Variants in STK31 observed in about 807,000 individuals in gnomAD.
The protein encoded by STK31 is serine/threonine kinase 31.
Under a neutral mutation model 129.7 loss-of-function variants are expected in STK31, and 89 were observed. That is an observed-to-expected ratio of 0.69 (90% CI 0.58 to 0.82). The LOEUF is 0.82. Ranked by LOEUF, STK31 falls within the 40% of genes least tolerant of loss-of-function variation. The pLI is 0.00. For synonymous variants in STK31, 448 were observed against 395.3 expected, an observed-to-expected ratio of 1.13 and a Z score of -1.58; for missense variants, 1,187 against 1,176.4, an observed-to-expected ratio of 1.01 and a Z score of -0.13.
intron 4 of STK31, 103 bp from the exon 5 acceptor site, chr7:23,727,138 A>G (rs1166669696): frequency 1.2e-6 from 1 of 852,478 alleles, no homozygotes; most frequent in Non-Finnish European, 1.9e-6. Context: ...TTATATATAA[A>G]GTACTTATTG....
At chr7:23,792,099 C>T (rs1791655245) in intron 22 of STK31, among the ~76,000 whole-genome samples, 1 of 152,112 alleles carries the variant, frequency 6.6e-6, no homozygotes, top group Non-Finnish European at 1.5e-5. Flanking sequence ...CAGTTTGGTG[C>T]AGAGGCCATA....
intron 7 of STK31, among the ~76,000 whole-genome samples, chr7:23,736,259 T>G (rs1787711350): frequency 6.6e-6 from 1 of 152,232 alleles, no homozygotes; most frequent in African/African-American, 2.4e-5. Flanking sequence ...AGGAATATTT[T>G]AAAGAGTTTC....
intron 14 of STK31, 111 bp from the exon 15 acceptor site, chr7:23,772,036 G>T (rs1485599530): frequency 1.4e-6 from 1 of 717,238 alleles, no homozygotes; most frequent in East Asian, 3.3e-5. Flanking sequence ...TGGTATTTCA[G>T]TCTGAACTCA....
At chr7:23,797,320 C>T (rs1043895007) in intron 22 of STK31, among the ~76,000 whole-genome samples, 2 of 152,190 alleles carry the variant, frequency 1.3e-5, no homozygotes, top group African/African-American at 2.4e-5. Context: ...ACATTCTTTT[C>T]AGCACCACAT....
At chr7:23,787,893 C>T in intron 20 of STK31, 87 bp from the exon 21 acceptor site, 1 of 1,341,474 alleles carries the variant, frequency 7.5e-7, no homozygotes, top group Middle Eastern at 2.0e-4. Flanking sequence ...TTACTCACTT[C>T]TAGAGCAGTC....
At chr7:23,786,746 TA>T in intron 19 of STK31, 91 bp from the exon 20 acceptor site, 2 of 1,543,670 alleles carry the variant, frequency 1.3e-6, no homozygotes, top group African/African-American at 2.8e-5. Flanking sequence ...CCCCTTAACA[TA>T]AAAGAAAAAT....
intron 6 of STK31, among the ~76,000 whole-genome samples, chr7:23,732,250 G>A (rs1787476298): frequency 6.6e-6 from 1 of 151,820 alleles, no homozygotes; most frequent in African/African-American, 2.4e-5. Flanking sequence ...GGTCAAGGCT[G>A]TGAGACCCTG....
At chr7:23,714,576 A>C (rs1167862992) in intron 3 of STK31, among the ~76,000 whole-genome samples, 1 of 152,246 alleles carries the variant, frequency 6.6e-6, no homozygotes, top group African/African-American at 2.4e-5. Context: ...TAGCATAAAA[A>C]TGTGAACAGG....
rs768770421 is a variant in STK31 at position 23,785,488 on chromosome 7, G to C, written c.2159G>C (p.Gly720Ala). The change falls in exon 18 of 24, where the codon GGT becomes GCT. Residue 720 changes from glycine (G) to alanine (A), a missense_variant. Physicochemically the swap from Gly to Ala is moderately conservative, Grantham distance 60. Transcript: ENST00000355870. ...IGLLKYMNSG[G>A]LLTMSLERDL... ...AAAACTTGTGCCTAGAACTCTGGTGGTCTCCTTACAATGAGCTTGGAACGA... is the reference window on the plus strand; with the variant it reads ...AAAACTTGTGCCTAGAACTCTGGTGCTCTCCTTACAATGAGCTTGGAACGA... 6.2e-7 allele frequency: 1 copy of C among 1,613,562 alleles called. No homozygotes were observed. The highest frequency in any genetic ancestry group is 2.2e-5 in the East Asian group (1 of 44,860).
At chr7:23,751,249 C>T (rs1195204555) in intron 8 of STK31, among the ~76,000 whole-genome samples, 1 of 152,104 alleles carries the variant, frequency 6.6e-6, no homozygotes, top group Non-Finnish European at 1.5e-5. Flanking sequence ...GTATATACTG[C>T]ATTTTCTTGA....
intron 10 of STK31, among the ~76,000 whole-genome samples, chr7:23,754,740 A>C (rs892325740): frequency 2.0e-5 from 3 of 152,144 alleles, no homozygotes; most frequent in Non-Finnish European, 2.9e-5. Context: ...ACGAGTGAGA[A>C]CATGTAGTGT....
chr7:23,716,260 T>G lies in STK31; in HGVS notation c.151-1221T>G, dbSNP rs1231460589. Reference sequence around the variant, plus strand: ...AATTTGGGTTTGTTTGATGATTTCTTATGAATAGATTAGCAAGAGTTCCAC... The same window carrying G: ...AATTTGGGTTTGTTTGATGATTTCTGATGAATAGATTAGCAAGAGTTCCAC... On this transcript the variant is annotated intron_variant, in intron 3 of 23. Transcript: ENST00000355870. Among the ~76,000 whole-genome samples the G allele has an allele frequency of 2.0e-5, 3 of 152,196 alleles. No individual in the cohort carries two copies. In the East Asian group the frequency reaches 5.8e-4, roughly 29 times the overall value.
chr7:23,791,736 A>G (rs1206770576), intron 22 of STK31, among the ~76,000 whole-genome samples: 2 of 152,228 alleles, frequency 1.3e-5, no homozygotes, highest in African/African-American at 4.8e-5. Flanking sequence ...TGTTGATCAC[A>G]TAAATAAAAA....
intron 16 of STK31, among the ~76,000 whole-genome samples, chr7:23,782,320 C>A (rs1160286451): frequency 1.4e-5 from 2 of 145,026 alleles, no homozygotes; most frequent in African/African-American, 4.9e-5. Flanking sequence ...AAAAATACAA[C>A]AATTAGCTGG....
chr7:23,793,102 A>G (rs1473273832), intron 22 of STK31, among the ~76,000 whole-genome samples: 2 of 152,258 alleles, frequency 1.3e-5, no homozygotes, highest in Non-Finnish European at 2.9e-5. Context: ...TAGACTGCAC[A>G]TGTATGATAA....
At chr7:23,766,367 A>G (rs1253331626) in intron 11 of STK31, among the ~76,000 whole-genome samples, 1 of 152,076 alleles carries the variant, frequency 6.6e-6, no homozygotes, top group East Asian at 1.9e-4. Flanking sequence ...GGTTCAAGCA[A>G]TTCTCATGCC....
intron 1 of STK31, chr7:23,710,653 G>A: frequency 8.4e-7 from 1 of 1,186,850 alleles, no homozygotes; most frequent in South Asian, 2.1e-5. Context: ...ATAAGTGTCA[G>A]AGAGCTACGT....
At chr7:23,757,030 C>G (rs1325742923) in intron 10 of STK31, among the ~76,000 whole-genome samples, 1 of 152,116 alleles carries the variant, frequency 6.6e-6, no homozygotes, top group Non-Finnish European at 1.5e-5. Context: ...GGAGTCCGTC[C>G]TTTTCAGTTG....
At chr7:23,769,582 A>G in intron 12 of STK31, 58 bp from the exon 13 acceptor site, 1 of 1,187,080 alleles carries the variant, frequency 8.4e-7, no homozygotes, top group South Asian at 1.3e-5. Flanking sequence ...GTATTAAGGC[A>G]CGATGAATGC....
Sources: gnomAD v4.1 joint callset for allele counts (sites outside exome capture counted in the v4.1 genomes callset) on GRCh38, gnomAD v4.1.1 for gene constraint, MANE v1.5 for transcripts, NCBI Gene and HGNC (gene_info 2026-07-23, HGNC 2026-07-21) for gene names.